CASTOR2: variants seen among roughly 807,000 people sequenced by gnomAD.
CASTOR2 encodes the protein cytosolic arginine sensor for mTORC1 subunit 2, also known as GATS protein like 2.
In CASTOR2, 8 loss-of-function variants were observed where a neutral mutation model predicts 31.2. The ratio of observed to expected loss-of-function variants is 0.26; its 90% CI spans 0.15 to 0.46. CASTOR2 has a LOEUF of 0.46. Ranked by LOEUF, CASTOR2 falls within the 20% of genes least tolerant of loss-of-function variation. CASTOR2 has a pLI of 0.99. For missense variants in CASTOR2, 216 were observed against 382.1 expected (o/e 0.57, Z 3.62); for synonymous variants, 162 against 158.7 (o/e 1.02, Z -0.16).
chr7:74,986,696 A>C (rs1804074658), intron 1 of CASTOR2, among the ~76,000 whole-genome samples: 2 of 151,882 alleles, frequency 1.3e-5, no homozygotes, highest in Non-Finnish European at 2.9e-5. Context: ...CACAGCTCCT[A>C]CCTATACTGC....
chr7:74,999,845 C>A (rs1437751051), intron 1 of CASTOR2, among the ~76,000 whole-genome samples: 1 of 151,996 alleles, frequency 6.6e-6, no homozygotes, highest in Admixed American at 6.6e-5. Context: ...GATCTCTTGA[C>A]CTTGTGATCC....
Position 75,027,841 on chromosome 7 carries a change from T to G in CASTOR2, c.*3142T>G, listed in dbSNP as rs1584481404. ...GTTTGGTCTCCACAGCTCTTCGGGG[T>G]GGGGTGTGAGTGTGGTTTTTCCCAG... On this transcript the variant is annotated 3_prime_UTR_variant, in exon 9 of 9. Coordinates refer to ENST00000616305, the MANE Select transcript of CASTOR2 (RefSeq NM_001145064.3). 1 of 667,718 alleles carries G rather than the reference T, an allele frequency of 1.5e-6. No individual in the cohort carries two copies. The highest frequency in any genetic ancestry group is 2.7e-6 in the Non-Finnish European group (1 of 376,158). The allele number at this position is 667,718 out of a possible 1,614,324, so 41.4% of individuals were successfully genotyped here.
chr7:74,993,067 G>C (rs1349898907), intron 1 of CASTOR2, among the ~76,000 whole-genome samples: 20 of 151,920 alleles, frequency 1.3e-4, no homozygotes, highest in Admixed American at 1.3e-3. Context: ...GGGTGTGGTG[G>C]CACGCGCCTG....
At chr7:74,998,430 C>A (rs1449805999) in intron 1 of CASTOR2, among the ~76,000 whole-genome samples, 13 of 152,192 alleles carry the variant, frequency 8.5e-5, no homozygotes, top group African/African-American at 3.1e-4. Flanking sequence ...ATGGCGAAAC[C>A]CCATCTCTAC....
Position 74,999,417 on chromosome 7 carries a change from T to A in CASTOR2, c.114-8577T>A, listed in dbSNP as rs1804438511. Among the ~76,000 whole-genome samples, 8 of 152,034 alleles carry A rather than the reference T, an allele frequency of 5.3e-5. No homozygotes were observed. The South Asian group carries it at 1.7e-3, about 32-fold the overall frequency. On this transcript the variant is annotated intron_variant, in intron 1 of 8. Coordinates refer to ENST00000616305, the MANE Select transcript of CASTOR2 (RefSeq NM_001145064.3). ...TAAAACTTGAAAGGGCAGCTTCTAG[T>A]TGCTAAGGACAGGAGAAATGAAATG...
At chr7:75,004,253 G>C (rs1804560961) in intron 1 of CASTOR2, among the ~76,000 whole-genome samples, 1 of 152,162 alleles carries the variant, frequency 6.6e-6, no homozygotes, top group African/African-American at 2.4e-5. Context: ...ATAATTTGCT[G>C]TTGTCCTCAA....
chr7:75,025,212 G>A lies in CASTOR2; in HGVS notation c.*513G>A, dbSNP rs1805094185. Among the ~76,000 whole-genome samples, 1 of 152,218 alleles carries A rather than the reference G, an allele frequency of 6.6e-6. No homozygotes were observed. The highest frequency in any genetic ancestry group is 1.9e-4 in the East Asian group (1 of 5,200). Reference sequence around the variant, plus strand: ...CAGGGCTGGTTCCCTCGGAGTGGAGGCCAGCGTGGCCCCCTCAGGTCATCG... The same window carrying A: ...CAGGGCTGGTTCCCTCGGAGTGGAGACCAGCGTGGCCCCCTCAGGTCATCG... On this transcript the variant is annotated 3_prime_UTR_variant, in exon 9 of 9. Coordinates refer to ENST00000616305, the MANE Select transcript of CASTOR2 (RefSeq NM_001145064.3).
intron 2 of CASTOR2, among the ~76,000 whole-genome samples, chr7:75,014,175 C>T (rs1403060071): frequency 6.6e-6 from 1 of 152,056 alleles, no homozygotes; most frequent in Admixed American, 6.6e-5. Flanking sequence ...ATCACTAGCC[C>T]TCACCCATCA....
chr7:75,008,148 G>A (rs1360168019), intron 2 of CASTOR2, 84 bp downstream of exon 2: 55 of 1,447,922 alleles, frequency 3.8e-5, no homozygotes, highest in East Asian at 2.8e-4. Context: ...TCTGTCCCCC[G>A]CCCACCTCCT....
intron 7 of CASTOR2, among the ~76,000 whole-genome samples, chr7:75,022,231 G>A (rs949530311): frequency 9.8e-5 from 15 of 152,302 alleles, no homozygotes; most frequent in Middle Eastern, 3.4e-3. Context: ...GCAGCTGGGC[G>A]CGGTGGCTCG....
At chr7:74,975,355 C>G (rs1331439369) in intron 1 of CASTOR2, among the ~76,000 whole-genome samples, 3 of 149,526 alleles carry the variant, frequency 2.0e-5, no homozygotes, top group Admixed American at 2.0e-4. Flanking sequence ...AAGTGATCCT[C>G]CCGTCTTGGT....
chr7:74,985,516 G>A (rs1234093670), intron 1 of CASTOR2, among the ~76,000 whole-genome samples: 1 of 150,376 alleles, frequency 6.6e-6, no homozygotes, highest in Non-Finnish European at 1.5e-5. Flanking sequence ...GGGAGGTTGA[G>A]GCTGCAGTAA....
intron 2 of CASTOR2, among the ~76,000 whole-genome samples, chr7:75,016,479 G>A (rs1804866037): frequency 6.6e-6 from 1 of 152,124 alleles, no homozygotes; most frequent in East Asian, 1.9e-4. Flanking sequence ...GCCTCTTCAG[G>A]GGCCCTCCTG....
At position 75,024,636 on chromosome 7, in the gene CASTOR2, C is replaced by T; in HGVS notation, c.927C>T (p.Val309=). Residue 309 remains valine (V), a splice_region_variant and synonymous_variant, in exon 9 of 9, where the codon GTC becomes GTT. Coordinates refer to ENST00000616305, the MANE Select transcript of CASTOR2 (RefSeq NM_001145064.3). ...CTGCCTCCTCTACCCCTGCACAGGTCCCCGAAGAGAACATCAATGGTGTCA... is the reference window on the plus strand; with the variant it reads ...CTGCCTCCTCTACCCCTGCACAGGTTCCCGAAGAGAACATCAATGGTGTCA... ...ISTFKFDHAL[V]PEENINGVIS... 6.4e-7 allele frequency: 1 copy of T among 1,551,572 alleles called. No individual in the cohort carries two copies. Among genetic ancestry groups the T allele is most frequent in the Non-Finnish European group, 8.7e-7 (1 of 1,146,826 alleles).
At chr7:75,021,524 G>T (rs983104639) in intron 6 of CASTOR2, among the ~76,000 whole-genome samples, 2 of 152,138 alleles carry the variant, frequency 1.3e-5, no homozygotes, top group African/African-American at 4.8e-5. Context: ...TCCACTGTGG[G>T]GTGGTGGCAA....
intron 1 of CASTOR2, among the ~76,000 whole-genome samples, chr7:74,986,410 A>G (rs1554436718): frequency 6.6e-6 from 1 of 151,520 alleles, no homozygotes; most frequent in Non-Finnish European, 1.5e-5. Context: ...GAATTACTTG[A>G]AGCCGGGAGG....
rs1409765593 is a variant in CASTOR2, at chr7:75,017,886, G to A, written c.378+95G>A. On this transcript the variant is annotated intron_variant, in intron 3 of 8. Coordinates refer to ENST00000616305, the MANE Select transcript of CASTOR2 (RefSeq NM_001145064.3). ...ACCCCTTGCAGCCTTGCCCTTCCACGCTATTCCAGGGTGGGGGCAGAGTCT... is the reference window on the plus strand; with the variant it reads ...ACCCCTTGCAGCCTTGCCCTTCCACACTATTCCAGGGTGGGGGCAGAGTCT... 8.1e-6 allele frequency: 13 copies of A among 1,613,236 alleles called. No homozygotes were observed. In the African/African-American group the frequency reaches 1.5e-4, roughly 18 times the overall value.
intron 2 of CASTOR2, 93 bp from the exon 3 acceptor site, chr7:75,017,505 A>C: frequency 1.4e-6 from 2 of 1,431,970 alleles, no homozygotes; most frequent in Non-Finnish European, 1.9e-6. Flanking sequence ...CTGGCCCCAG[A>C]GCATCACTCT....
chr7:75,006,043 T>C (rs1470210366), intron 1 of CASTOR2, among the ~76,000 whole-genome samples: 1 of 152,066 alleles, frequency 6.6e-6, no homozygotes, highest in African/African-American at 2.4e-5. Flanking sequence ...GGCAGGAAAA[T>C]CACTTGAACC....
Sources: gnomAD v4.1 joint callset for allele counts (sites outside exome capture counted in the v4.1 genomes callset) on GRCh38, gnomAD v4.1.1 for gene constraint, MANE v1.5 for transcripts, NCBI Gene and HGNC (gene_info 2026-07-23, HGNC 2026-07-21) for gene names.